The following RCAN1 variants were observed in gnomAD, a reference collection of about 807,000 sequenced individuals.
The protein encoded by RCAN1 is regulator of calcineurin 1.
RCAN1 carries 11 observed loss-of-function variants against 22.9 expected under a neutral mutation model. The ratio of observed to expected loss-of-function variants is 0.48; its 90% CI spans 0.30 to 0.79. The LOEUF (loss-of-function observed/expected upper bound fraction) is 0.79, where lower values mean the gene tolerates loss of function less well. Ranked by LOEUF, RCAN1 falls within the 30% of genes least tolerant of loss-of-function variation. The pLI, the probability that RCAN1 is intolerant of heterozygous loss-of-function variation, is 0.06. For synonymous variants in RCAN1, 136 were observed against 142.3 expected (o/e 0.96, Z 0.32); for missense variants, 291 against 337.8 (o/e 0.86, Z 1.09).
chr21:34,601,635 G>A (rs61397642), intron 1 of RCAN1, among the ~76,000 whole-genome samples: 15,537 of 152,020 alleles, frequency 0.1, 830 homozygotes, highest in African/African-American at 0.11. Context: ...TGGCTAACAC[G>A]GTGAAACCCC....
intron 1 of RCAN1, among the ~76,000 whole-genome samples, chr21:34,569,693 C>A (rs1402103734): frequency 6.6e-6 from 1 of 152,222 alleles, no homozygotes; most frequent in Admixed American, 6.5e-5. Context: ...AAAAGCGACT[C>A]ACAATTTAAG....
intron 1 of RCAN1, among the ~76,000 whole-genome samples, chr21:34,577,250 C>T (rs551584507): frequency 6.6e-6 from 1 of 152,274 alleles, no homozygotes; most frequent in Admixed American, 6.5e-5. Flanking sequence ...CAGATAAGTA[C>T]TGAAGAGTAT....
chr21:34,573,987 GAAAGAACAGAA>G (rs1490455599), intron 1 of RCAN1, among the ~76,000 whole-genome samples: 1 of 152,150 alleles, frequency 6.6e-6, no homozygotes, highest in Non-Finnish European at 1.5e-5. Flanking sequence ...AGGAGGCCCA[GAAAGAACAGAA>G]ATCAAAGGGC....
Position 34,545,833 on chromosome 21 carries a change from C to G in RCAN1, c.253-22123G>C, listed in dbSNP as rs571320417. On this transcript the variant is annotated intron_variant, in intron 1 of 3. Coordinates refer to ENST00000313806, the MANE Select transcript of RCAN1 (RefSeq NM_004414.7). ...GTGCCACCCATGGAGAATAATGACC[C>G]CAGGCCCTAAAATGAAACAGGTTGC... Among the ~76,000 whole-genome samples, 370 of 152,268 alleles carry G rather than the reference C, an allele frequency of 2.4e-3. 2 individuals carry two copies. The highest frequency in any genetic ancestry group is 8.7e-3 in the African/African-American group (360 of 41,540).
At chr21:34,554,911 A>C (rs1175985831) in intron 1 of RCAN1, among the ~76,000 whole-genome samples, 3 of 152,218 alleles carry the variant, frequency 2.0e-5, no homozygotes, top group African/African-American at 7.2e-5. Context: ...AGATTTTGTG[A>C]GCCTTATTTA....
intron 1 of RCAN1, among the ~76,000 whole-genome samples, chr21:34,594,496 G>C (rs1988082902): frequency 1.3e-5 from 2 of 152,192 alleles, no homozygotes; most frequent in African/African-American, 2.4e-5. Context: ...AGGTTGCATT[G>C]AGCCAAGATC....
chr21:34,580,887 A>G (rs1353620698), intron 1 of RCAN1, among the ~76,000 whole-genome samples: 3 of 152,188 alleles, frequency 2.0e-5, no homozygotes, highest in African/African-American at 4.8e-5. Context: ...ACGTATGCAC[A>G]TGGATGCTGT....
intron 1 of RCAN1, among the ~76,000 whole-genome samples, chr21:34,599,590 T>C (rs1046663767): frequency 5.9e-5 from 9 of 152,222 alleles, no homozygotes; most frequent in Admixed American, 2.0e-4. Flanking sequence ...ATGGTACCTA[T>C]TTAAGTGTAT....
chr21:34,595,913 C>A (rs142633724), intron 1 of RCAN1, among the ~76,000 whole-genome samples: 2 of 152,246 alleles, frequency 1.3e-5, no homozygotes, highest in African/African-American at 4.8e-5. Flanking sequence ...CCACACAGTC[C>A]ATCTACGCAG....
chr21:34,589,666 A>T lies in RCAN1; in HGVS notation c.252+25094T>A, dbSNP rs60692846. ...TTCCCAATGTGGGTGGGCATCATCT[A>T]ATCTGCTGGGGGCCTGAAGAGAACA... On this transcript the variant is annotated intron_variant, in intron 1 of 3. Transcript: ENST00000313806. 8.4e-3 allele frequency among the ~76,000 whole-genome samples: 1,280 copies of T among 152,006 alleles called. 21 individuals carry two copies. The highest frequency in any genetic ancestry group is 0.03 in the African/African-American group (1,225 of 41,438).
intron 1 of RCAN1, among the ~76,000 whole-genome samples, chr21:34,594,508 C>T (rs921542911): frequency 6.6e-6 from 1 of 152,120 alleles, no homozygotes; most frequent in Non-Finnish European, 1.5e-5. Flanking sequence ...GCCAAGATCG[C>T]GCCACTGCAC....
chr21:34,602,315 C>A (rs1988380133), intron 1 of RCAN1, among the ~76,000 whole-genome samples: 1 of 152,178 alleles, frequency 6.6e-6, no homozygotes, highest in African/African-American at 2.4e-5. Flanking sequence ...GCATAACCAC[C>A]CCTTTCACTA....
At chr21:34,574,596 C>T (rs1181377916) in intron 1 of RCAN1, among the ~76,000 whole-genome samples, 1 of 152,060 alleles carries the variant, frequency 6.6e-6, no homozygotes, top group African/African-American at 2.4e-5. Context: ...TGAGAAGATA[C>T]AAGAACTTGA....
At chr21:34,554,759 A>T (rs1333068172) in intron 1 of RCAN1, among the ~76,000 whole-genome samples, 1 of 152,234 alleles carries the variant, frequency 6.6e-6, no homozygotes, top group African/African-American at 2.4e-5. Context: ...CAAAAGAAAG[A>T]GGTTTAATGG....
intron 1 of RCAN1, chr21:34,525,033 A>T: frequency 6.5e-7 from 1 of 1,543,424 alleles, no homozygotes; most frequent in Non-Finnish European, 8.8e-7. Context: ...GCCAGGAAGA[A>T]GGGGATGGCG....
chr21:34,556,953 C>T (rs2123656720), intron 1 of RCAN1, among the ~76,000 whole-genome samples: 1 of 152,332 alleles, frequency 6.6e-6, no homozygotes, highest in South Asian at 2.1e-4. Flanking sequence ...GTGGCTGACG[C>T]CTGTAATCCC....
intron 1 of RCAN1, among the ~76,000 whole-genome samples, chr21:34,541,423 C>T (rs2834516): frequency 0.24 from 36,380 of 152,122 alleles, 5,056 homozygotes; most frequent in African/African-American, 0.38. Flanking sequence ...TCAGTGTAGG[C>T]GCTTATACTA....
At chr21:34,583,547 C>A (rs919658422) in intron 1 of RCAN1, among the ~76,000 whole-genome samples, 9 of 152,100 alleles carry the variant, frequency 5.9e-5, no homozygotes, top group African/African-American at 1.9e-4. Context: ...CATAAAGGGA[C>A]ACTAGGCATG....
intron 1 of RCAN1, among the ~76,000 whole-genome samples, chr21:34,557,696 G>T (rs1032638797): frequency 6.6e-6 from 1 of 152,216 alleles, no homozygotes; most frequent in African/African-American, 2.4e-5. Context: ...ATACTTGAAA[G>T]ATGAGAAAGG....
Sources: allele counts gnomAD v4.1 joint callset (sites outside exome capture counted in the v4.1 genomes callset), GRCh38; gene constraint gnomAD v4.1.1; transcripts MANE v1.5; gene names NCBI Gene and HGNC (gene_info 2026-07-23, HGNC 2026-07-21).